The following RINT1 variants were observed in gnomAD, a reference collection of about 807,000 sequenced individuals.
RINT1 encodes RAD50 interactor 1, also known as RAD50-interacting protein 1.
Under a neutral mutation model 97.7 loss-of-function variants are expected in RINT1, and 75 were observed. The observed-to-expected ratio is 0.77, with a 90% confidence interval of 0.64 to 0.93. The LOEUF (loss-of-function observed/expected upper bound fraction) is 0.93. RINT1 is among the 40% of genes least tolerant of loss of function. The probability of loss-of-function intolerance (pLI) is 0.00; values close to 1 mark genes in which losing one functional copy is unlikely to be tolerated. For missense variants in RINT1, 892 were observed against 925.2 expected (o/e 0.96, Z 0.47); for synonymous variants, 303 against 326.3 (o/e 0.93, Z 0.77).
chr7:105,539,903 G>A (rs1020174854), intron 3 of RINT1, among the ~76,000 whole-genome samples: 8 of 152,162 alleles, frequency 5.3e-5, no homozygotes, highest in African/African-American at 1.9e-4. Context: ...CCTGAAGGAC[G>A]GATGCTGTGT....
chr7:105,532,437 C>T, intron 1 of RINT1, 80 bp downstream of exon 1: 4 of 1,462,782 alleles, frequency 2.7e-6, no homozygotes, highest in Non-Finnish European at 3.7e-6. Context: ...GAGATAGTCC[C>T]GGTGCGGTGG....
At chr7:105,566,147 G>A (rs762494686) in intron 14 of RINT1, among the ~76,000 whole-genome samples, 3 of 151,566 alleles carry the variant, frequency 2.0e-5, no homozygotes, top group South Asian at 2.1e-4. Context: ...GCCTGGTGGC[G>A]GGCACCTGTA....
chr7:105,563,193 T>C (rs1260298871), intron 11 of RINT1, among the ~76,000 whole-genome samples: 2 of 152,206 alleles, frequency 1.3e-5, no homozygotes, highest in African/African-American at 4.8e-5. Context: ...TTATATGAAA[T>C]GTCCAGAACA....
intron 3 of RINT1, among the ~76,000 whole-genome samples, chr7:105,539,355 CTTTT>C (rs56362601): frequency 7.6e-6 from 1 of 131,654 alleles, no homozygotes; most frequent in Non-Finnish European, 1.6e-5. Context: ...CTTTCCCACT[CTTTT>C]TTTTTTTTTT....
At chr7:105,539,237 C>G (rs1025237082) in intron 3 of RINT1, among the ~76,000 whole-genome samples, 7 of 152,158 alleles carry the variant, frequency 4.6e-5, no homozygotes, top group African/African-American at 1.7e-4. Flanking sequence ...GCCTGTCACC[C>G]AGACCTGAAG....
At chr7:105,532,666 C>A (rs1790081020) in intron 1 of RINT1, among the ~76,000 whole-genome samples, 158 bp from the exon 2 acceptor site, 2 of 152,114 alleles carry the variant, frequency 1.3e-5, no homozygotes, top group Non-Finnish European at 2.9e-5. Flanking sequence ...AGGACAGTGG[C>A]ACTTTGAGGT....
intron 4 of RINT1, among the ~76,000 whole-genome samples, chr7:105,543,989 A>G (rs1430209315): frequency 1.3e-5 from 2 of 151,794 alleles, no homozygotes; most frequent in Non-Finnish European, 2.9e-5. Flanking sequence ...AATCCCAGCT[A>G]CTTGGGAGGC....
intron 4 of RINT1, among the ~76,000 whole-genome samples, chr7:105,544,102 A>AAAAAAAAAC (rs1314857857): frequency 6.6e-6 from 1 of 151,348 alleles, no homozygotes; most frequent in Non-Finnish European, 1.5e-5. Flanking sequence ...CTCCGTCTCA[A>AAAAAAAAAC]AAAAAAAACA....
intron 7 of RINT1, among the ~76,000 whole-genome samples, chr7:105,549,412 G>A (rs936562785): frequency 3.3e-5 from 5 of 150,204 alleles, no homozygotes; most frequent in Non-Finnish European, 7.4e-5. Flanking sequence ...GCAATGGTGT[G>A]ATCTCGGCTC....
intron 11 of RINT1, among the ~76,000 whole-genome samples, chr7:105,560,753 C>G (rs1791404254): frequency 6.6e-6 from 1 of 151,848 alleles, no homozygotes; most frequent in Non-Finnish European, 1.5e-5. Flanking sequence ...AAGAGTCTCA[C>G]TTTGTCACCC....
At chr7:105,541,013 A>T (rs1320208138) in intron 3 of RINT1, among the ~76,000 whole-genome samples, 1 of 149,154 alleles carries the variant, frequency 6.7e-6, no homozygotes, top group Non-Finnish European at 1.5e-5. Flanking sequence ...ATTTTTTTGT[A>T]TTTTTTAGTA....
At chr7:105,561,783 A>G (rs1362721447) in intron 11 of RINT1, among the ~76,000 whole-genome samples, 3 of 151,980 alleles carry the variant, frequency 2.0e-5, no homozygotes, top group Admixed American at 1.3e-4. Flanking sequence ...GCTGGTCTCA[A>G]ACTCCTGACC....
intron 2 of RINT1, among the ~76,000 whole-genome samples, chr7:105,534,621 A>T (rs73192125): frequency 6.6e-6 from 1 of 151,042 alleles, no homozygotes; most frequent in Non-Finnish European, 1.5e-5. Context: ...TAACCTTGAG[A>T]TATAGGCTGG....
At chr7:105,542,786 G>A (rs1008930736) in intron 4 of RINT1, 137 bp downstream of exon 4, 14 of 907,634 alleles carry the variant, frequency 1.5e-5, no homozygotes, top group Admixed American at 3.7e-5. Context: ...TGTGAAAATA[G>A]CATTATGATA....
At chr7:105,548,497 ATG>A (rs1790776005) in intron 6 of RINT1, 55 bp from the exon 7 acceptor site, 2 of 1,526,850 alleles carry the variant, frequency 1.3e-6, no homozygotes, top group Admixed American at 1.7e-5. Context: ...ATACATACAT[ATG>A]TGTGTGTATA....
intron 6 of RINT1, among the ~76,000 whole-genome samples, chr7:105,547,643 A>G (rs1480974591): frequency 6.6e-6 from 1 of 152,082 alleles, no homozygotes; most frequent in Non-Finnish European, 1.5e-5. Context: ...CGTGAATTTA[A>G]TCAAATGATA....
In RINT1 at chr7:105,546,957, C is replaced by T; in HGVS notation, c.563C>T (p.Ala188Val). Residue 188 changes from alanine to valine, a missense_variant, in exon 5 of 15, where the codon GCC becomes GTC. Transcript: ENST00000257700. ...ATGACCAATAATGTACCGGAGGCAG[C>T]CTCCACTCTAGTGTCTATGGCAGAA... is the stretch of plus-strand genomic sequence containing the variant. ...YLMTNNVPEAASTLVSMAELD... is the reference protein window; with the variant it reads ...YLMTNNVPEAVSTLVSMAELD... The T allele has an allele frequency of 6.2e-7, 1 of 1,613,102 alleles. No individual in the cohort carries two copies. Among genetic ancestry groups the T allele is most frequent in the African/African-American group, 1.3e-5 (1 of 74,988 alleles).
At chr7:105,532,952 C>G (rs977140197) in intron 2 of RINT1, 83 bp downstream of exon 2, 2 of 1,309,052 alleles carry the variant, frequency 1.5e-6, no homozygotes, top group Non-Finnish European at 2.2e-6. Flanking sequence ...AGGTTCTTTG[C>G]CTATCTTTTA....
intron 3 of RINT1, among the ~76,000 whole-genome samples, chr7:105,542,059 G>A (rs1479142646): frequency 6.6e-6 from 1 of 151,950 alleles, no homozygotes; most frequent in Non-Finnish European, 1.5e-5. Flanking sequence ...TGAAGGTTTT[G>A]ATGGATGATT....
Sources: gnomAD v4.1 joint callset for allele counts (sites outside exome capture counted in the v4.1 genomes callset) on GRCh38, gnomAD v4.1.1 for gene constraint, MANE v1.5 for transcripts, NCBI Gene and HGNC (gene_info 2026-07-23, HGNC 2026-07-21) for gene names.